The following GRID2 variants were observed in gnomAD, a reference collection of about 807,000 sequenced individuals.
The protein encoded by GRID2 is glutamate ionotropic receptor delta type subunit 2, also known as glutamate receptor ionotropic, delta-2.
A neutral mutation model predicts 114.8 loss-of-function variants in GRID2; 33 were observed. The ratio of observed to expected loss-of-function variants is 0.29; its 90% CI spans 0.22 to 0.38. The LOEUF (loss-of-function observed/expected upper bound fraction) is 0.38, where lower values mean the gene tolerates loss of function less well. Ranked by LOEUF, GRID2 falls within the 10% of genes least tolerant of loss-of-function variation. The pLI is 1.00. For missense variants in GRID2, 1,184 were observed against 1,257.7 expected (o/e 0.94, Z 0.89); for synonymous variants, 505 against 449.9 (o/e 1.12, Z -1.55).
intron 1 of GRID2, among the ~76,000 whole-genome samples, chr4:92,423,872 C>T (rs1234345828): frequency 6.6e-6 from 1 of 151,800 alleles, no homozygotes; most frequent in Admixed American, 6.6e-5. Context: ...AGAGGAGCAA[C>T]ACAATTAGTC....
At chr4:92,739,422 T>C (rs1460308038) in intron 2 of GRID2, among the ~76,000 whole-genome samples, 2 of 152,046 alleles carry the variant, frequency 1.3e-5, no homozygotes, top group Non-Finnish European at 2.9e-5. Context: ...AACATATGAG[T>C]AACATTTTTT....
intron 8 of GRID2, among the ~76,000 whole-genome samples, chr4:93,337,527 C>A (rs1026447947): frequency 1.4e-4 from 22 of 152,166 alleles, no homozygotes; most frequent in African/African-American, 4.8e-4. Context: ...GGAATGACTG[C>A]TCTTTGCTTC....
At chr4:92,896,332 A>G (rs530087752) in intron 2 of GRID2, among the ~76,000 whole-genome samples, 1 of 152,296 alleles carries the variant, frequency 6.6e-6, no homozygotes, top group Admixed American at 6.5e-5. Flanking sequence ...AGAAGAAAAA[A>G]TTTCTGCTGT....
intron 7 of GRID2, among the ~76,000 whole-genome samples, chr4:93,237,972 A>G (rs1219348939): frequency 6.6e-6 from 1 of 151,962 alleles, no homozygotes; most frequent in East Asian, 1.9e-4. Flanking sequence ...AACAAAGAAG[A>G]TTGTTGAAAT....
intron 2 of GRID2, among the ~76,000 whole-genome samples, chr4:92,973,403 T>C (rs1293937288): frequency 2.0e-5 from 3 of 152,224 alleles, no homozygotes; most frequent in African/African-American, 7.2e-5. Flanking sequence ...ATTTATGGAA[T>C]GGTATCTATA....
chr4:92,496,259 G>T (rs1264655770), intron 1 of GRID2, among the ~76,000 whole-genome samples: 1 of 151,698 alleles, frequency 6.6e-6, no homozygotes, highest in Non-Finnish European at 1.5e-5. Flanking sequence ...CCTTTACCTT[G>T]TATTCCTTCT....
At chr4:92,395,791 C>T (rs1006665976) in intron 1 of GRID2, among the ~76,000 whole-genome samples, 3 of 151,598 alleles carry the variant, frequency 2.0e-5, no homozygotes, top group Admixed American at 1.3e-4. Context: ...TGGGATTATT[C>T]CTATTTCAAA....
chr4:93,578,553 A>C (rs1442319347), intron 13 of GRID2, among the ~76,000 whole-genome samples: 1 of 151,682 alleles, frequency 6.6e-6, no homozygotes, highest in Non-Finnish European at 1.5e-5. Flanking sequence ...AGGTATCACA[A>C]ACTCCAGAAA....
chr4:93,117,783 G>C (rs559282947), intron 4 of GRID2, among the ~76,000 whole-genome samples: 1 of 152,174 alleles, frequency 6.6e-6, no homozygotes, highest in Non-Finnish European at 1.5e-5. Flanking sequence ...ACTTGTGTTA[G>C]ATAAGCTATG....
At chr4:93,336,782 T>C (rs2149239751) in intron 8 of GRID2, among the ~76,000 whole-genome samples, 1 of 152,318 alleles carries the variant, frequency 6.6e-6, no homozygotes, top group South Asian at 2.1e-4. Context: ...CAGTGAAGGT[T>C]TTGTGTATCA....
intron 1 of GRID2, among the ~76,000 whole-genome samples, chr4:92,434,679 A>G (rs1258410977): frequency 6.6e-6 from 1 of 152,120 alleles, no homozygotes; most frequent in Non-Finnish European, 1.5e-5. Flanking sequence ...TTGGTGGTTT[A>G]AATAACTTCT....
intron 13 of GRID2, among the ~76,000 whole-genome samples, chr4:93,582,739 A>T (rs1737106383): frequency 6.6e-6 from 1 of 152,164 alleles, no homozygotes; most frequent in Non-Finnish European, 1.5e-5. Flanking sequence ...AGGAGAAAAA[A>T]GAAACGGAAT....
intron 3 of GRID2, among the ~76,000 whole-genome samples, chr4:93,110,086 A>C (rs986406614): frequency 6.6e-6 from 1 of 152,172 alleles, no homozygotes; most frequent in African/African-American, 2.4e-5. Flanking sequence ...TATGTTTTGA[A>C]AAAATATGTT....
rs1419446062 is a variant in GRID2 at position 92,731,865 on chromosome 4, CCAT to C, written c.244+141582_244+141584del. Among the ~76,000 whole-genome samples, 4 of 151,726 alleles carry C rather than the reference CCAT, an allele frequency of 2.6e-5. 1 individual carries two copies. Among genetic ancestry groups the C allele is most frequent in the Non-Finnish European group, 5.9e-5 (4 of 67,852 alleles). On this transcript the variant is annotated intron_variant, in intron 2 of 15. Transcript: ENST00000282020. ...GTCATATTTCAACTTGATTATTTGA[CCAT>C]CACAATTTTATAAATTGAAAGGAGT...
At chr4:92,469,251 C>T (rs1251332633) in intron 1 of GRID2, among the ~76,000 whole-genome samples, 1 of 151,852 alleles carries the variant, frequency 6.6e-6, no homozygotes, top group African/African-American at 2.4e-5. Context: ...ATTTGTTTTT[C>T]GTTAAAAGAT....
intron 2 of GRID2, among the ~76,000 whole-genome samples, chr4:92,619,297 A>G (rs567848761): frequency 1.3e-5 from 2 of 151,776 alleles, no homozygotes; most frequent in East Asian, 3.9e-4. Context: ...TTGGAGAAGC[A>G]ATATGTAGGC....
At chr4:93,024,515 T>C (rs1345361787) in intron 2 of GRID2, among the ~76,000 whole-genome samples, 3 of 151,768 alleles carry the variant, frequency 2.0e-5, no homozygotes, top group African/African-American at 4.8e-5. Context: ...TTTTAAAATC[T>C]TTATAGTTTA....
chr4:93,257,993 TATATATACACACACAC>T (rs1384468962), intron 8 of GRID2, among the ~76,000 whole-genome samples: 4 of 24,852 alleles, frequency 1.6e-4, no homozygotes, highest in African/African-American at 2.9e-4. Flanking sequence ...TATATATATA[TATATATACACACACAC>T]ACACACACAC....
At chr4:92,384,980 A>T (rs987468987) in intron 1 of GRID2, among the ~76,000 whole-genome samples, 1 of 151,386 alleles carries the variant, frequency 6.6e-6, no homozygotes, top group Non-Finnish European at 1.5e-5. Context: ...TGTCACATTT[A>T]CTGATGGTTC....
Sources: gnomAD v4.1 joint callset for allele counts (sites outside exome capture counted in the v4.1 genomes callset) on GRCh38, gnomAD v4.1.1 for gene constraint, MANE v1.5 for transcripts, NCBI Gene and HGNC (gene_info 2026-07-23, HGNC 2026-07-21) for gene names.